Variants in MRTFB observed in about 807,000 individuals in gnomAD.
The protein encoded by MRTFB is myocardin related transcription factor B.
In MRTFB, 29 loss-of-function variants were observed where a neutral mutation model predicts 104.2. The observed-to-expected ratio is 0.28, with a 90% CI of 0.21 to 0.38. MRTFB has a LOEUF of 0.38. MRTFB is among the 10% of genes least tolerant of loss of function. The pLI, the probability that MRTFB is intolerant of heterozygous loss-of-function variation, is 1.00. For synonymous variants in MRTFB, 535 were observed against 519.5 expected (o/e 1.03, Z -0.41); for missense variants, 1,270 against 1,341.6 (o/e 0.95, Z 0.83).
intron 3 of MRTFB, among the ~76,000 whole-genome samples, chr16:14,192,857 C>T (rs1299797312): frequency 6.6e-6 from 1 of 152,162 alleles, no homozygotes; most frequent in Non-Finnish European, 1.5e-5. Context: ...CACCCCTGTC[C>T]ACCCAGTGGC....
At chr16:14,110,507 G>A (rs1376164115) in intron 2 of MRTFB, among the ~76,000 whole-genome samples, 1 of 152,046 alleles carries the variant, frequency 6.6e-6, no homozygotes, top group Non-Finnish European at 1.5e-5. Context: ...TTTATAAACT[G>A]GGGGAGCTGA....
intron 8 of MRTFB, among the ~76,000 whole-genome samples, chr16:14,231,501 CTCAA>C (rs1428307998): frequency 1.3e-5 from 2 of 152,172 alleles, no homozygotes; most frequent in South Asian, 2.1e-4. Flanking sequence ...AAGCCCAATA[CTCAA>C]TAGTTATTTT....
chr16:14,180,462 C>T (rs2039730047), intron 3 of MRTFB, among the ~76,000 whole-genome samples: 1 of 152,192 alleles, frequency 6.6e-6, no homozygotes, highest in Non-Finnish European at 1.5e-5. Context: ...GAAATGGAGA[C>T]AGGACTTGAA....
intron 1 of MRTFB, among the ~76,000 whole-genome samples, chr16:14,076,787 G>A (rs1002091022): frequency 2.6e-5 from 4 of 152,104 alleles, no homozygotes; most frequent in African/African-American, 9.7e-5. Context: ...TTATTTCTCC[G>A]TAACCTCTCC....
chr16:14,091,836 A>C (rs1230737523), intron 2 of MRTFB, among the ~76,000 whole-genome samples: 1 of 151,990 alleles, frequency 6.6e-6, no homozygotes, highest in African/African-American at 2.4e-5. Context: ...CTCTACTAAA[A>C]ATACAAAAAT....
chr16:14,027,422 G>A, the MRTFB span, among the ~76,000 whole-genome samples: 2 of 152,138 alleles, frequency 1.3e-5, no homozygotes, highest in Non-Finnish European at 2.9e-5. Context: ...GTATTTCTTT[G>A]TGGTGATAGA....
At chr16:14,071,486 C>G (rs367774721) in intron 1 of MRTFB, 121 bp downstream of exon 1, 4 of 152,492 alleles carry the variant, frequency 2.6e-5, no homozygotes, top group African/African-American at 4.8e-5. Context: ...CATCCCTGTT[C>G]GTCCCCGCAG....
the MRTFB span, among the ~76,000 whole-genome samples, chr16:14,031,777 C>G: frequency 6.6e-6 from 1 of 152,084 alleles, no homozygotes; most frequent in African/African-American, 2.4e-5. Context: ...AAGGCCCTTT[C>G]ATCCATACCT....
At position 14,246,838 on chromosome 16, in the gene MRTFB, C is replaced by A. The variant is rs750561491; in HGVS notation, c.1578C>A (p.Phe526Leu). 1 of 1,612,658 alleles carries A rather than the reference C, an allele frequency of 6.2e-7. No homozygotes were observed. The highest frequency in any genetic ancestry group is 2.2e-5 in the East Asian group (1 of 44,880). Residue 526 changes from phenylalanine to leucine, a missense_variant, in exon 12 of 17, where the codon TTC (phenylalanine) becomes TTA (leucine). This residue lies in a region of MRTFB where 1,144 missense variants were observed against 1,131.5 expected (regional missense o/e 1.01). Transcript: ENST00000571589. ...ATGACACAAACATGGCAGACACTTT[C>A]ACCGAGATTATGACCATGATGTCGC... ...STDDTNMADTFTEIMTMMSPS... is the reference protein window; with the variant it reads ...STDDTNMADTLTEIMTMMSPS...
intron 3 of MRTFB, chr16:14,200,792 T>C: frequency 6.8e-7 from 1 of 1,469,174 alleles, no homozygotes; most frequent in Non-Finnish European, 9.5e-7. Flanking sequence ...CAGTGCACGC[T>C]TCTCCTTCAG....
the MRTFB span, among the ~76,000 whole-genome samples, chr16:14,050,517 C>G: frequency 6.6e-6 from 1 of 152,142 alleles, no homozygotes; most frequent in African/African-American, 2.4e-5. Context: ...ACTCCACAGG[C>G]TGAGGCAGGA....
At position 14,265,436 on chromosome 16, in the gene MRTFB, A is replaced by G. The variant is rs1272173967; in HGVS notation, c.*3992A>G. On this transcript the variant is annotated 3_prime_UTR_variant, in exon 17 of 17. Coordinates refer to ENST00000571589, the MANE Select transcript of MRTFB (RefSeq NM_001308142.2). The stretch of plus-strand genomic sequence containing the variant: ...TACAAATGCATCAGTGTGTATCTGG[A>G]GAGCATCCTAACTGCATTTCAACTC... 2 of 152,212 alleles carry G rather than the reference A, an allele frequency of 1.3e-5. No individual in the cohort carries two copies. Among genetic ancestry groups the G allele is most frequent in the African/African-American group, 4.8e-5 (2 of 41,460 alleles). The allele number at this position is 152,212 out of a possible 1,614,324, so 9.4% of individuals were successfully genotyped here.
intron 2 of MRTFB, among the ~76,000 whole-genome samples, chr16:14,139,387 G>C (rs569063041): frequency 6.6e-6 from 1 of 152,288 alleles, no homozygotes; most frequent in Admixed American, 6.5e-5. Context: ...TAAAGTGACT[G>C]AAATGGAAAA....
intron 16 of MRTFB, among the ~76,000 whole-genome samples, chr16:14,258,531 G>C (rs2043617545): frequency 6.6e-6 from 1 of 152,196 alleles, no homozygotes; most frequent in South Asian, 2.1e-4. Context: ...GGAGGTCAAG[G>C]CTGCAGTGAA....
At chr16:14,079,632 C>T (rs2034275243) in intron 2 of MRTFB, among the ~76,000 whole-genome samples, 1 of 151,826 alleles carries the variant, frequency 6.6e-6, no homozygotes, top group Non-Finnish European at 1.5e-5. Context: ...AAGTAGAAAC[C>T]CATAGCTGTT....
intron 11 of MRTFB, among the ~76,000 whole-genome samples, 173 bp downstream of exon 11, chr16:14,245,833 A>T (rs533039145): frequency 6.6e-6 from 1 of 152,336 alleles, no homozygotes; most frequent in Admixed American, 6.5e-5. Context: ...TTTTCTTGTA[A>T]AACAACCAAT....
At chr16:14,250,482 C>A (rs1460994532) in intron 13 of MRTFB, among the ~76,000 whole-genome samples, 1 of 152,186 alleles carries the variant, frequency 6.6e-6, no homozygotes. Context: ...TCACCTTTGC[C>A]TGTTGGAACA....
chr16:14,231,065 T>C (rs906764641), intron 8 of MRTFB, among the ~76,000 whole-genome samples: 1 of 147,750 alleles, frequency 6.8e-6, no homozygotes, highest in Non-Finnish European at 1.5e-5. Context: ...TTCTCACTCA[T>C]AGGTGGGAAT....
At chr16:14,180,648 G>T (rs1036871559) in intron 3 of MRTFB, among the ~76,000 whole-genome samples, 1 of 152,230 alleles carries the variant, frequency 6.6e-6, no homozygotes, top group African/African-American at 2.4e-5. Context: ...CACGCAAGCT[G>T]TCCTCTGCCT....
Sources: allele counts gnomAD v4.1 joint callset (sites outside exome capture counted in the v4.1 genomes callset), GRCh38; gene constraint gnomAD v4.1.1; regional missense constraint gnomAD v4.1.1; transcripts MANE v1.5; gene names NCBI Gene and HGNC (gene_info 2026-07-23, HGNC 2026-07-21).